Variants in EML1 observed in about 807,000 individuals in gnomAD.
EML1 encodes EMAP like 1, also known as echinoderm microtubule-associated protein-like 1.
Under a neutral mutation model 110.4 loss-of-function variants are expected in EML1, and 27 were observed. That is an observed-to-expected ratio of 0.24 (90% confidence interval 0.18 to 0.34). The LOEUF (loss-of-function observed/expected upper bound fraction) is 0.34, where lower values mean the gene tolerates loss of function less well. Among genes scored for constraint, EML1 ranks in the 10% least tolerant of loss-of-function variants. The pLI is 1.00. For synonymous variants in EML1, 344 were observed against 385.8 expected, an observed-to-expected ratio of 0.89 and a Z score of 1.27; for missense variants, 741 against 1,030.9, an observed-to-expected ratio of 0.72 and a Z score of 3.85.
At chr14:99,772,202 C>T (rs2057434642), upstream of EML1, among the ~76,000 whole-genome samples, 2 of 152,210 alleles carry the variant, frequency 1.3e-5, no homozygotes, top group African/African-American at 4.8e-5. Context: ...AGACTCACAC[C>T]TCAAACTTTG....
intron 1 of EML1, among the ~76,000 whole-genome samples, chr14:99,828,003 G>C (rs1180111404): frequency 3.9e-5 from 6 of 152,146 alleles, no homozygotes; most frequent in Non-Finnish European, 8.8e-5. Context: ...TGTGCTTGCA[G>C]TCTAGGTCTT....
At chr14:99,934,348 C>T (rs2060429395) in intron 17 of EML1, among the ~76,000 whole-genome samples, 1 of 152,208 alleles carries the variant, frequency 6.6e-6, no homozygotes, top group South Asian at 2.1e-4. Flanking sequence ...TATGTATTTG[C>T]CCCATTCCTT....
chr14:99,858,115 C>T (rs1277743050), intron 2 of EML1, among the ~76,000 whole-genome samples: 1 of 151,854 alleles, frequency 6.6e-6, no homozygotes, highest in East Asian at 1.9e-4. Context: ...TGTTCTGAAC[C>T]TTGCTCTTTT....
intron 16 of EML1, among the ~76,000 whole-genome samples, chr14:99,920,104 A>T (rs1002027959): frequency 1.3e-5 from 2 of 152,176 alleles, no homozygotes; most frequent in African/African-American, 4.8e-5. Flanking sequence ...CTGTGTGCTT[A>T]TCAGAGGATA....
At chr14:99,762,630 C>T (rs143818429) in intron 1 of EML1, among the ~76,000 whole-genome samples, 2,478 of 152,182 alleles carry the variant, frequency 0.016, 31 homozygotes, top group Non-Finnish European at 0.026. Flanking sequence ...AGACCCTTTC[C>T]GTACAAAAAA....
intron 1 of EML1, among the ~76,000 whole-genome samples, chr14:99,796,217 A>AGAGAGAGAGAGAGAGATT (rs2057770639): frequency 6.7e-6 from 1 of 149,148 alleles, no homozygotes; most frequent in Non-Finnish European, 1.5e-5. Context: ...AGAGAGAGAG[A>AGAGAGAGAGAGAGAGATT]GAGAGAGAGA....
chr14:99,794,405 A>G (rs1046310167), intron 1 of EML1, among the ~76,000 whole-genome samples: 7 of 151,144 alleles, frequency 4.6e-5, no homozygotes, highest in South Asian at 2.1e-4. Context: ...TGTTAATGGG[A>G]AAAAAAAATG....
At chr14:99,870,871 A>G (rs1255249402) in intron 3 of EML1, among the ~76,000 whole-genome samples, 2 of 152,200 alleles carry the variant, frequency 1.3e-5, no homozygotes, top group African/African-American at 4.8e-5. Flanking sequence ...AGCGGAAATT[A>G]ATGTTTTTAT....
intron 9 of EML1, among the ~76,000 whole-genome samples, chr14:99,903,221 AG>A (rs2059789254): frequency 6.6e-6 from 1 of 152,216 alleles, no homozygotes; most frequent in Non-Finnish European, 1.5e-5. Context: ...TTTTAAGCAA[AG>A]TCAAAAAAGA....
At chr14:99,887,371 C>A (rs1382637069) in intron 4 of EML1, among the ~76,000 whole-genome samples, 2 of 152,168 alleles carry the variant, frequency 1.3e-5, no homozygotes, top group African/African-American at 4.8e-5. Flanking sequence ...AGTTTGTTCA[C>A]CGGGGGGGCA....
intron 1 of EML1, among the ~76,000 whole-genome samples, chr14:99,808,218 C>T (rs111991114): frequency 1.3e-5 from 2 of 152,200 alleles, no homozygotes; most frequent in Admixed American, 6.5e-5. Flanking sequence ...GGCAGGGGCG[C>T]TGTGTTGTCT....
chr14:99,889,385 A>C (rs2059546177), intron 4 of EML1, among the ~76,000 whole-genome samples: 1 of 152,188 alleles, frequency 6.6e-6, no homozygotes, highest in African/African-American at 2.4e-5. Context: ...GCCTCACACC[A>C]GGGCAGCCGC....
chr14:99,798,206 AC>A (rs924448682), intron 1 of EML1, among the ~76,000 whole-genome samples: 4 of 152,150 alleles, frequency 2.6e-5, no homozygotes, highest in African/African-American at 9.7e-5. Context: ...GTTCTTTCTC[AC>A]ATCTTCTAGC....
At chr14:99,793,970 A>G (rs2057721752) in intron 1 of EML1, among the ~76,000 whole-genome samples, 1 of 152,098 alleles carries the variant, frequency 6.6e-6, no homozygotes, top group South Asian at 2.1e-4. Flanking sequence ...TCCTTTAATA[A>G]CAAAACCCTC....
chr14:99,902,518 T>A (rs2059779086), intron 9 of EML1, among the ~76,000 whole-genome samples: 2 of 152,280 alleles, frequency 1.3e-5, no homozygotes, highest in South Asian at 4.2e-4. Context: ...CTGTCTCCAG[T>A]CTCCCATTTT....
At position 99,894,670 on chromosome 14, in the gene EML1, A is replaced by G. The variant is rs770994133; in HGVS notation, c.589A>G (p.Thr197Ala). ...AATGTTTCTTCGTGGACGCCCTGTT[A>G]CCATGTACATGCCCAAAGATCAAGT... is the stretch of plus-strand genomic sequence containing the variant. ...VKMFLRGRPV[T>A]MYMPKDQVDS... is the part of the protein sequence containing the mutation. Residue 197 changes from threonine to alanine, a missense_variant, in exon 6 of 22, where the codon ACC becomes GCC. Thr to Ala is a moderately conservative substitution (Grantham distance 58). This residue lies in a region of EML1 where 226 missense variants were observed against 255.6 expected (regional missense o/e 0.88). Transcript: ENST00000262233. 3.7e-6 allele frequency: 6 copies of G among 1,613,770 alleles called. No homozygotes were observed. The highest frequency in any genetic ancestry group is 5.1e-6 in the Non-Finnish European group (6 of 1,179,872).
chr14:99,902,729 A>G (rs1479109744), intron 9 of EML1, among the ~76,000 whole-genome samples: 1 of 152,228 alleles, frequency 6.6e-6, no homozygotes, highest in Admixed American at 6.5e-5. Flanking sequence ...CCATAGGTTT[A>G]TATTCTCAAA....
chr14:99,909,524 G>A, intron 11 of EML1, 45 bp downstream of exon 11: 1 of 1,611,766 alleles, frequency 6.2e-7, no homozygotes, highest in Non-Finnish European at 8.5e-7. Context: ...TCTCGTATAT[G>A]TGATTGGCTA....
intron 5 of EML1, chr14:99,894,368 G>T: frequency 4.1e-6 from 1 of 242,570 alleles, no homozygotes; most frequent in Non-Finnish European, 7.7e-6. Flanking sequence ...AATCATTGTT[G>T]GAATCAAGTT....
Sources: gnomAD v4.1 joint callset for allele counts (sites outside exome capture counted in the v4.1 genomes callset) on GRCh38, gnomAD v4.1.1 for gene constraint, gnomAD v4.1.1 regional missense constraint, MANE v1.5 for transcripts, NCBI Gene and HGNC (gene_info 2026-07-23, HGNC 2026-07-21) for gene names.